Variants in CASR observed in about 807,000 individuals in gnomAD.
CASR encodes the protein calcium sensing receptor, also known as extracellular calcium-sensing receptor.
A neutral mutation model predicts 69.1 loss-of-function variants in CASR; 23 were observed. That is an observed-to-expected ratio of 0.33 (90% confidence interval 0.24 to 0.47). The LOEUF (loss-of-function observed/expected upper bound fraction) is 0.47. CASR is among the 20% of genes least tolerant of loss of function. CASR has a pLI of 1.00. For synonymous variants in CASR, 541 were observed against 544.7 expected, an observed-to-expected ratio of 0.99 and a Z score of 0.10; for missense variants, 924 against 1,356.1, an observed-to-expected ratio of 0.68 and a Z score of 5.00.
rs539867627 is a variant in CASR, at chr3:122,262,151, C to T, written c.1116C>T (p.Thr372=). ...CAAAAGGACCTTTACCTGTGGACAC[C>T]TTTCTGAGAGGTCACGAAGAAAGTG... ...EGAKGPLPVD[T]FLRGHEESGD... Residue 372 remains threonine (T), a synonymous_variant, in exon 4 of 7, where the codon ACC becomes ACT. Coordinates refer to ENST00000639785, the MANE Select transcript of CASR (RefSeq NM_000388.4). 9 of 1,614,176 alleles carry T rather than the reference C, an allele frequency of 5.6e-6. No individual in the cohort carries two copies. The Admixed American group carries it at 1.5e-4, about 27-fold the overall frequency.
chr3:122,282,272 G>C, intron 6 of CASR, 36 bp downstream of exon 6: 1 of 1,610,580 alleles, frequency 6.2e-7, no homozygotes, highest in Admixed American at 1.7e-5. Flanking sequence ...TGCAGGGCTT[G>C]GTCCACTTCG....
chr3:122,224,157 C>T (rs2074200110), intron 1 of CASR, among the ~76,000 whole-genome samples: 1 of 152,162 alleles, frequency 6.6e-6, no homozygotes, highest in Non-Finnish European at 1.5e-5. Context: ...ACTCTCACCA[C>T]TCCTATTCAG....
At position 122,183,729 on chromosome 3, in the gene CASR, G is replaced by C. The variant is rs1382896880; in HGVS notation, c.-326G>C. On this transcript the variant is annotated 5_prime_UTR_variant, in exon 1 of 7. Transcript: ENST00000639785. ...CAGGAAGGACCGCACGCCCTTTCGC[G>C]CAGGAGAGTGGAAGGAGGGAGCTGT... 6.6e-6 allele frequency: 1 copy of C among 152,248 alleles called. No individual in the cohort carries two copies. Among genetic ancestry groups the C allele is most frequent in the Non-Finnish European group, 1.5e-5 (1 of 68,092 alleles). 9.4% of individuals were successfully genotyped at this position (152,248 alleles called of 1,614,324 possible).
chr3:122,239,843 C>T (rs990809994), intron 1 of CASR, among the ~76,000 whole-genome samples: 21 of 151,544 alleles, frequency 1.4e-4, no homozygotes, highest in African/African-American at 5.1e-4. Flanking sequence ...TCAGAGGAGA[C>T]AAAAGAAAAA....
At position 122,257,484 on chromosome 3, in the gene CASR, C is replaced by T. The variant is rs183934840; in HGVS notation, c.492+97C>T. The T allele has an allele frequency of 5.9e-6, 5 of 842,888 alleles. No homozygotes were observed. The East Asian group carries it at 9.9e-5, about 17-fold the overall frequency. The allele number at this position is 842,888 out of a possible 1,614,324, so 52.2% of individuals were successfully genotyped here. On this transcript the variant is annotated intron_variant, in intron 3 of 6. Transcript: ENST00000639785. ...ATAGCCATACGGTTTACCATATTCCCATCTCTGGCACAAAAGACCTATGAT... is the reference window on the plus strand; with the variant it reads ...ATAGCCATACGGTTTACCATATTCCTATCTCTGGCACAAAAGACCTATGAT...
chr3:122,196,294 T>C (rs1456759666), intron 1 of CASR, among the ~76,000 whole-genome samples: 8 of 152,096 alleles, frequency 5.3e-5, no homozygotes, highest in Admixed American at 1.3e-4. Context: ...GGATTTCAGA[T>C]TCAATCAATT....
Position 122,253,960 on chromosome 3 carries a change from G to A in CASR, c.-230G>A. The A allele has an allele frequency of 1.7e-6, 1 of 578,972 alleles. No individual in the cohort carries two copies. Among genetic ancestry groups the A allele is most frequent in the Admixed American group, 2.9e-5 (1 of 33,944 alleles). The allele number at this position is 578,972 out of a possible 1,614,324, so 35.9% of individuals were successfully genotyped here. ...TCTTTTCTTTTAGAAGGCATCACAG[G>A]AGGCCTCTGCATGATGTGGCTTCCA... is the stretch of plus-strand genomic sequence containing the variant. On this transcript the variant is annotated 5_prime_UTR_variant, in exon 2 of 7. Transcript: ENST00000639785.
chr3:122,223,786 C>T (rs2074196630), intron 1 of CASR, among the ~76,000 whole-genome samples: 1 of 152,148 alleles, frequency 6.6e-6, no homozygotes, highest in South Asian at 2.1e-4. Flanking sequence ...ATGCAAAAAT[C>T]TTCAACAAAA....
At chr3:122,227,714 G>T (rs944250875) in intron 1 of CASR, among the ~76,000 whole-genome samples, 5 of 152,110 alleles carry the variant, frequency 3.3e-5, no homozygotes, top group Non-Finnish European at 7.4e-5. Context: ...AGGGCTGCGA[G>T]GGCTGCCAGC....
At chr3:122,196,354 C>T (rs914817714) in intron 1 of CASR, among the ~76,000 whole-genome samples, 1 of 151,898 alleles carries the variant, frequency 6.6e-6, no homozygotes, top group African/African-American at 2.4e-5. Context: ...TGATATCAAA[C>T]TAGGACATGA....
At chr3:122,203,511 G>T (rs2073977787) in intron 1 of CASR, among the ~76,000 whole-genome samples, 2 of 152,124 alleles carry the variant, frequency 1.3e-5, no homozygotes, top group Non-Finnish European at 2.9e-5. Context: ...ATAACTATTT[G>T]TCTGTCTAAA....
In CASR at chr3:122,291,044, A is replaced by G. The variant is rs2075008480; in HGVS notation, c.*5853A>G. The G allele has an allele frequency of 6.7e-6, 1 of 149,858 alleles. No homozygotes were observed. The highest frequency in any genetic ancestry group is 2.4e-5 in the African/African-American group (1 of 40,830). 9.3% of individuals were successfully genotyped at this position (149,858 alleles called of 1,614,324 possible). A position where few individuals can be genotyped will look rare whatever the true frequency, so the allele number is the denominator to read the frequency against. On this transcript the variant is annotated 3_prime_UTR_variant, in exon 7 of 7. Coordinates refer to ENST00000639785, the MANE Select transcript of CASR (RefSeq NM_000388.4). ...GGTTTCCAGCTTCATCCATGTCCCT[A>G]CAAAGGACACGAACTCCTCATTTTT...
At chr3:122,276,150 C>T in intron 5 of CASR, 108 bp downstream of exon 5, 1 of 756,098 alleles carries the variant, frequency 1.3e-6, no homozygotes, top group African/African-American at 1.7e-5. Context: ...AATAAAGAGT[C>T]CACTTCCCTG....
intron 4 of CASR, among the ~76,000 whole-genome samples, chr3:122,270,588 G>A (rs539366755): frequency 6.6e-6 from 1 of 152,158 alleles, no homozygotes; most frequent in African/African-American, 2.4e-5. Context: ...TTTGGAAACT[G>A]AAGTCATTGA....
chr3:122,204,444 C>A (rs536223643), intron 1 of CASR, among the ~76,000 whole-genome samples: 5 of 152,036 alleles, frequency 3.3e-5, no homozygotes, highest in African/African-American at 1.2e-4. Context: ...TATTCCATTG[C>A]GGACAGGCCC....
chr3:122,230,201 C>T (rs2074265705), intron 1 of CASR, among the ~76,000 whole-genome samples: 1 of 152,234 alleles, frequency 6.6e-6, no homozygotes, highest in Admixed American at 6.5e-5. Flanking sequence ...GCAAGCTCAG[C>T]CTAGGCTTGC....
At chr3:122,242,612 A>C (rs1472004264) in intron 1 of CASR, among the ~76,000 whole-genome samples, 2 of 152,138 alleles carry the variant, frequency 1.3e-5, no homozygotes, top group Non-Finnish European at 2.9e-5. Flanking sequence ...AAAGCAATAA[A>C]AGATTTAAGG....
chr3:122,252,955 G>A (rs937626), intron 1 of CASR, among the ~76,000 whole-genome samples: 101,122 of 151,988 alleles, frequency 0.67, 33,966 homozygotes, highest in Admixed American at 0.78. Flanking sequence ...GATAGGGTGC[G>A]GAGTGAGAAG....
rs546520348 is a variant in CASR, at chr3:122,290,320, G to T, written c.*5129G>T. ...TCAAAGCCCAAGAATAAACCCTGGG[G>T]TCATTACAGGATTTCCTGTAAAGGC... On this transcript the variant is annotated 3_prime_UTR_variant, in exon 7 of 7. Transcript: ENST00000639785. 1 of 152,264 alleles carries T rather than the reference G, an allele frequency of 6.6e-6. No individual in the cohort carries two copies. The highest frequency in any genetic ancestry group is 1.9e-4 in the East Asian group (1 of 5,188). The allele number at this position is 152,264 out of a possible 1,614,324, so 9.4% of individuals were successfully genotyped here. A position where few individuals can be genotyped will look rare whatever the true frequency, so the allele number is the denominator to read the frequency against.
Sources: gnomAD v4.1 joint callset for allele counts (sites outside exome capture counted in the v4.1 genomes callset) on GRCh38, gnomAD v4.1.1 for gene constraint, MANE v1.5 for transcripts, NCBI Gene and HGNC (gene_info 2026-07-23, HGNC 2026-07-21) for gene names.